The following SPRED3 variants were observed in gnomAD, a reference collection of about 807,000 sequenced individuals.
The protein encoded by SPRED3 is sprouty-related, EVH1 domain-containing protein 3.
In SPRED3, 23 loss-of-function variants were observed where a neutral mutation model predicts 37.6. The ratio of observed to expected loss-of-function variants is 0.61; its 90% CI spans 0.44 to 0.87. The LOEUF (loss-of-function observed/expected upper bound fraction) is 0.87. Ranked by LOEUF, SPRED3 falls within the 40% of genes least tolerant of loss-of-function variation. SPRED3 has a pLI of 0.00. For missense variants in SPRED3, 584 were observed against 618.6 expected (o/e 0.94, Z 0.59); for synonymous variants, 302 against 279.6 (o/e 1.08, Z -0.80).
In SPRED3 at chr19:38,397,922, C is replaced by T. The variant is rs1970917359; in HGVS notation, c.*1777C>T. 1 of 147,406 alleles carries T rather than the reference C, an allele frequency of 6.8e-6. No homozygotes were observed. The highest frequency in any genetic ancestry group is 1.5e-5 in the Non-Finnish European group (1 of 67,762). 9.1% of individuals were successfully genotyped at this position (147,406 alleles called of 1,614,324 possible). On this transcript the variant is annotated 3_prime_UTR_variant, in exon 6 of 6. Transcript: ENST00000691638. Reference sequence around the variant, plus strand: ...CGTCTCTAAAAAAAAAAAAAAAGGACCAAGTAGGAGCTCCCTCACTGTCAC... The same window carrying T: ...CGTCTCTAAAAAAAAAAAAAAAGGATCAAGTAGGAGCTCCCTCACTGTCAC...
intron 4 of SPRED3, among the ~76,000 whole-genome samples, chr19:38,393,692 A>G (rs1416057101): frequency 2.0e-5 from 3 of 152,188 alleles, no homozygotes. Context: ...CAGGCCGGCA[A>G]GGATCTTTTG....
chr19:38,395,915 G>A lies in SPRED3; in HGVS notation c.1003G>A (p.Ala335Thr), dbSNP rs1450724196. Reference protein sequence around the residue: ...LVRRLSCLWCAESLLYHCLSD... With the variant: ...LVRRLSCLWCTESLLYHCLSD... ...GCGCCGTCTAAGCTGCCTGTGGTGCGCCGAGAGCTTGCTCTACCACTGCCT... is the reference window on the plus strand; with the variant it reads ...GCGCCGTCTAAGCTGCCTGTGGTGCACCGAGAGCTTGCTCTACCACTGCCT... Residue 335 changes from alanine to threonine, a missense_variant, in exon 6 of 6, where the codon GCC (alanine) becomes ACC (threonine). This residue lies in a region of SPRED3 where 67 missense variants were observed against 57.4 expected (regional missense o/e 1.17). Coordinates refer to ENST00000691638, the MANE Select transcript of SPRED3 (RefSeq NM_001394336.1). This position sits in a 1 kb window ranked among gnomAD's most constrained non-coding sequence, Gnocchi z 5.2. The A allele has an allele frequency of 1.3e-6, 2 of 1,511,612 alleles. No homozygotes were observed. Among genetic ancestry groups the A allele is most frequent in the South Asian group, 1.2e-5 (1 of 81,164 alleles). The allele number at this position is 1,511,612 out of a possible 1,614,324, so 93.6% of individuals were successfully genotyped here. A position where few individuals can be genotyped will look rare whatever the true frequency, so the allele number is the denominator to read the frequency against.
chr19:38,391,903 TC>T, intron 2 of SPRED3, 42 bp from the exon 3 acceptor site: 2 of 1,605,900 alleles, frequency 1.2e-6, no homozygotes, highest in Non-Finnish European at 1.7e-6. Flanking sequence ...CACAGGCATG[TC>T]TGGGTTGGGG....
At chr19:38,393,422 A>G (rs964614740) in intron 4 of SPRED3, among the ~76,000 whole-genome samples, 6 of 138,416 alleles carry the variant, frequency 4.3e-5, no homozygotes, top group South Asian at 4.4e-4. Context: ...ATCTTGGCTC[A>G]CTGCAACCTC....
rs780141379 is a variant in SPRED3, at chr19:38,390,478, A to G, written c.176A>G (p.Lys59Arg). The G allele has an allele frequency of 6.6e-6, 9 of 1,365,146 alleles. No individual in the cohort carries two copies. Among genetic ancestry groups the G allele is most frequent in the Non-Finnish European group, 7.6e-6 (8 of 1,055,604 alleles). 84.6% of individuals were successfully genotyped at this position (1,365,146 alleles called of 1,614,324 possible). A position where few individuals can be genotyped will look rare whatever the true frequency, so the allele number is the denominator to read the frequency against. ...VIHGERLRDQKTTLECTLKPG... is the reference protein window; with the variant it reads ...VIHGERLRDQRTTLECTLKPG... ...CACGGGGAACGCCTCCGGGACCAGA[A>G]AGTGAGCCACCCTGGGGCATGCGGG... Residue 59 changes from lysine to arginine, a missense_variant and splice_region_variant, in exon 2 of 6, where the codon AAA becomes AGA. Coordinates refer to ENST00000691638, the MANE Select transcript of SPRED3 (RefSeq NM_001394336.1).
chr19:38,391,856 C>A, intron 2 of SPRED3, 90 bp from the exon 3 acceptor site: 1 of 1,471,276 alleles, frequency 6.8e-7, no homozygotes, highest in Non-Finnish European at 9.3e-7. Flanking sequence ...TGAGAAGACA[C>A]TAGGGTATGC....
At chr19:38,394,077 A>G (rs1051389470) in intron 4 of SPRED3, among the ~76,000 whole-genome samples, 8 of 152,242 alleles carry the variant, frequency 5.3e-5, no homozygotes, top group Admixed American at 2.6e-4. Flanking sequence ...CAGTGTGCAG[A>G]TAAGGTAGGA....
Position 38,394,800 on chromosome 19 carries a change from G to C in SPRED3, c.567+14G>C. On this transcript the variant is annotated intron_variant, in intron 5 of 5. Coordinates refer to ENST00000691638, the MANE Select transcript of SPRED3 (RefSeq NM_001394336.1). ...TCCTCCGCTCAGGTGCGACCTGGGA[G>C]CCTGGGGCTCCTGGGGGAATGGGGC... 1.3e-6 allele frequency: 2 copies of C among 1,540,888 alleles called. No individual in the cohort carries two copies. The highest frequency in any genetic ancestry group is 1.7e-6 in the Non-Finnish European group (2 of 1,146,144).
Position 38,390,491 on chromosome 19 carries a change from T to C in SPRED3, c.177+12T>C. ...TCCGGGACCAGAAAGTGAGCCACCCTGGGGCATGCGGGGAGGGTAGGGACC... is the reference window on the plus strand; with the variant it reads ...TCCGGGACCAGAAAGTGAGCCACCCCGGGGCATGCGGGGAGGGTAGGGACC... On this transcript the variant is annotated intron_variant, in intron 2 of 5. Coordinates refer to ENST00000691638, the MANE Select transcript of SPRED3 (RefSeq NM_001394336.1). 1 of 1,187,874 alleles carries C rather than the reference T, an allele frequency of 8.4e-7. No individual in the cohort carries two copies. The allele number at this position is 1,187,874 out of a possible 1,614,324, so 73.6% of individuals were successfully genotyped here.
At chr19:38,392,329 G>C in intron 4 of SPRED3, 41 bp downstream of exon 4, 1 of 1,466,990 alleles carries the variant, frequency 6.8e-7, no homozygotes, top group African/African-American at 1.4e-5. Flanking sequence ...GAGGGTAGGG[G>C]TTTTGTTTTT....
At position 38,394,716 on chromosome 19, in the gene SPRED3, T is replaced by A. The variant is rs1461337017; in HGVS notation, c.497T>A (p.Ile166Asn). The A allele has an allele frequency of 3.1e-6, 5 of 1,594,008 alleles. No individual in the cohort carries two copies. The Admixed American group carries it at 8.7e-5, about 28-fold the overall frequency. ...ETPPSAAAAP[I>N]ITMESASGFG... ...CCTCCCAGCGCCGCTGCGGCCCCCATCATCACGATGGAGTCAGCTTCAGGC... is the reference window on the plus strand; with the variant it reads ...CCTCCCAGCGCCGCTGCGGCCCCCAACATCACGATGGAGTCAGCTTCAGGC... Residue 166 changes from isoleucine to asparagine, a missense_variant, in exon 5 of 6, where the codon ATC (isoleucine) becomes AAC (asparagine). Ile to Asn is a moderately radical substitution (Grantham distance 149, BLOSUM62 -3). This residue lies in a region of SPRED3 where 310 missense variants were observed against 281.1 expected (regional missense o/e 1.10). Coordinates refer to ENST00000691638, the MANE Select transcript of SPRED3 (RefSeq NM_001394336.1).
At chr19:38,394,824 G>A (rs1372599039) in intron 5 of SPRED3, 38 bp downstream of exon 5, 3 of 1,509,704 alleles carry the variant, frequency 2.0e-6, no homozygotes, top group Non-Finnish European at 1.8e-6. Flanking sequence ...GGGGAATGGG[G>A]CGGTGCACTC....
chr19:38,393,054 C>T (rs1283243665), intron 4 of SPRED3, among the ~76,000 whole-genome samples: 2 of 152,180 alleles, frequency 1.3e-5, no homozygotes, highest in African/African-American at 4.8e-5. Flanking sequence ...TACTCGGCTT[C>T]GGCCACATGG....
chr19:38,391,324 GAAAAA>G (rs769735728), intron 2 of SPRED3, among the ~76,000 whole-genome samples: 1 of 111,660 alleles, frequency 9.0e-6, no homozygotes, highest in Non-Finnish European at 1.9e-5. Context: ...AGCTCATCTG[GAAAAA>G]AAAAAAAAAA....
rs760970187 is a variant in SPRED3, at chr19:38,396,185, A to G, written c.*40A>G. On this transcript the variant is annotated 3_prime_UTR_variant, in exon 6 of 6. Coordinates refer to ENST00000691638, the MANE Select transcript of SPRED3 (RefSeq NM_001394336.1). The stretch of plus-strand genomic sequence containing the variant: ...GTCCCCTAGCCGGCCCGAGGACCCA[A>G]AATTGAGGGTCCAGGACCCCGGACT... 7.3e-6 allele frequency: 9 copies of G among 1,228,064 alleles called. No homozygotes were observed. The highest frequency in any genetic ancestry group is 6.5e-5 in the East Asian group (2 of 31,002). The allele number at this position is 1,228,064 out of a possible 1,614,324, so 76.1% of individuals were successfully genotyped here.
chr19:38,395,860 A>G lies in SPRED3; in HGVS notation c.948A>G (p.Ala316=). 1 of 1,483,370 alleles carries G rather than the reference A, an allele frequency of 6.7e-7. No homozygotes were observed. The highest frequency in any genetic ancestry group is 8.9e-7 in the Non-Finnish European group (1 of 1,125,150). 91.9% of individuals were successfully genotyped at this position (1,483,370 alleles called of 1,614,324 possible). ...RRADGRGGRC[A]EAPDPGRLLV... The stretch of plus-strand genomic sequence containing the variant: ...CAGACGGGCGTGGCGGCCGCTGCGC[A>G]GAGGCCCCGGACCCGGGTCGCCTCC... The change falls in exon 6 of 6, where the codon GCA becomes GCG. Residue 316 remains alanine, a synonymous_variant. Transcript: ENST00000691638. The surrounding 1 kb of genome is among the most constrained non-coding windows in gnomAD (Gnocchi z 5.2).
At position 38,399,240 on chromosome 19, in the gene SPRED3, T is replaced by G. The variant is rs1408871206; in HGVS notation, c.*3095T>G. On this transcript the variant is annotated 3_prime_UTR_variant, in exon 6 of 6. Coordinates refer to ENST00000691638, the MANE Select transcript of SPRED3 (RefSeq NM_001394336.1). Reference sequence around the variant, plus strand: ...GCGCCTCTCCCAGGTCCCCCAGTCCTGCTCCCTGCTGAGACCCACCTCTGA... The same window carrying G: ...GCGCCTCTCCCAGGTCCCCCAGTCCGGCTCCCTGCTGAGACCCACCTCTGA... The G allele has an allele frequency of 6.6e-6, 1 of 152,372 alleles. No individual in the cohort carries two copies. Among genetic ancestry groups the G allele is most frequent in the African/African-American group, 2.4e-5 (1 of 41,454 alleles). The allele number at this position is 152,372 out of a possible 1,614,324, so 9.4% of individuals were successfully genotyped here. A position where few individuals can be genotyped will look rare whatever the true frequency, so the allele number is the denominator to read the frequency against.
chr19:38,390,193 A>G, intron 1 of SPRED3, 106 bp from the exon 2 acceptor site: 1 of 1,142,072 alleles, frequency 8.8e-7, no homozygotes, highest in Non-Finnish European at 1.1e-6. Context: ...CCTGGACGTG[A>G]GAGATGAAGT....
intron 4 of SPRED3, 189 bp downstream of exon 4, chr19:38,392,477 T>A (rs1431881942): frequency 1.6e-6 from 1 of 634,534 alleles, no homozygotes; most frequent in Non-Finnish European, 2.5e-6. Context: ...GATTCACACG[T>A]TCATTCAAGG....
Sources: allele counts gnomAD v4.1 joint callset (sites outside exome capture counted in the v4.1 genomes callset), GRCh38; gene constraint gnomAD v4.1.1; regional missense constraint gnomAD v4.1.1; non-coding constraint Gnocchi (gnomAD v3.1); transcripts MANE v1.5; gene names NCBI Gene and HGNC (gene_info 2026-07-23, HGNC 2026-07-21).